Variants in DNAH9 observed in about 807,000 individuals in gnomAD.
The protein encoded by DNAH9 is DNAH9 variant protein.
DNAH9 carries 345 observed loss-of-function variants against 471.6 expected under a neutral mutation model. That is an observed-to-expected ratio of 0.73 (90% confidence interval 0.67 to 0.80). The LOEUF (loss-of-function observed/expected upper bound fraction) is 0.80, where lower values mean the gene tolerates loss of function less well. Ranked by LOEUF, DNAH9 falls within the 30% of genes least tolerant of loss-of-function variation. DNAH9 has a pLI of 0.00. For synonymous variants in DNAH9, 2,093 were observed against 2,123.6 expected, an observed-to-expected ratio of 0.99 and a Z score of 0.40; for missense variants, 5,407 against 5,609.2, an observed-to-expected ratio of 0.96 and a Z score of 1.15.
intron 14 of DNAH9, 65 bp downstream of exon 14, chr17:11,653,067 G>A (rs2073549605): frequency 6.5e-6 from 10 of 1,544,810 alleles, no homozygotes; most frequent in Non-Finnish European, 8.8e-6. Flanking sequence ...AAGTGTGTTT[G>A]GATGAATAAG....
intron 61 of DNAH9, among the ~76,000 whole-genome samples, chr17:11,919,653 A>G (rs1275147992): frequency 6.6e-6 from 1 of 152,162 alleles, no homozygotes; most frequent in East Asian, 1.9e-4. Context: ...TTCACCAAAC[A>G]TGTGAATTAT....
rs145168186 is a variant in DNAH9, at chr17:11,601,184, C to T, written c.417+2269C>T. 2.8e-4 allele frequency among the ~76,000 whole-genome samples: 43 copies of T among 152,266 alleles called. No homozygotes were observed. In the East Asian group the frequency reaches 8.1e-3, roughly 29 times the overall value. On this transcript the variant is annotated intron_variant, in intron 1 of 68. Transcript: ENST00000262442. ...TCTATTGTATGTATATACCACATTT[C>T]TAAAAAATTTATCCATCATAGACAC...
At chr17:11,839,691 T>TAAAAC (rs1174166379) in intron 49 of DNAH9, among the ~76,000 whole-genome samples, 2 of 152,188 alleles carry the variant, frequency 1.3e-5, no homozygotes, top group African/African-American at 4.8e-5. Context: ...AATGCACATA[T>TAAAAC]AAAACAAATC....
chr17:11,620,845 C>T (rs143254432), intron 6 of DNAH9, among the ~76,000 whole-genome samples: 11 of 152,286 alleles, frequency 7.2e-5, no homozygotes, highest in African/African-American at 1.7e-4. Flanking sequence ...GAATGAGTCC[C>T]TGTGCAAAAG....
Position 11,719,352 on chromosome 17 carries a change from C to T in DNAH9, c.5571C>T (p.Thr1857=). ...PLTDRCYITL[T]QSLHLTMSGA... is the part of the protein sequence containing the mutation. ...TTGGCAGGTGCTACATCACCCTCAC[C>T]CAGTCCCTGCACCTGACCATGAGTG... The change falls in exon 27 of 69, where the codon ACC becomes ACT. Residue 1857 remains threonine, a synonymous_variant. Transcript: ENST00000262442. The T allele has an allele frequency of 1.2e-6, 2 of 1,614,082 alleles. No homozygotes were observed. Among genetic ancestry groups the T allele is most frequent in the Non-Finnish European group, 1.7e-6 (2 of 1,179,990 alleles).
intron 17 of DNAH9, among the ~76,000 whole-genome samples, chr17:11,675,225 T>C (rs1008155264): frequency 1.3e-5 from 2 of 152,096 alleles, no homozygotes; most frequent in Non-Finnish European, 2.9e-5. Context: ...GTTCGTAGTA[T>C]AAATAATATT....
At chr17:11,900,100 G>GAAAAA (rs10627147) in intron 59 of DNAH9, among the ~76,000 whole-genome samples, 1 of 148,602 alleles carries the variant, frequency 6.7e-6, no homozygotes. Flanking sequence ...TTTTCCAAAT[G>GAAAAA]AAAAAAAAAA....
chr17:11,649,330 AT>A (rs2073455183), intron 12 of DNAH9, among the ~76,000 whole-genome samples: 1 of 152,106 alleles, frequency 6.6e-6, no homozygotes, highest in Non-Finnish European at 1.5e-5. Context: ...TATTTCATTG[AT>A]TCTAGGAGGC....
chr17:11,949,521 G>T (rs946574282), intron 67 of DNAH9, among the ~76,000 whole-genome samples: 1 of 149,986 alleles, frequency 6.7e-6, no homozygotes. Context: ...TGCTCTTGTT[G>T]TCCAGGCTGG....
Position 11,933,958 on chromosome 17 carries a change from C to T in DNAH9, c.12376C>T (p.Leu4126Phe). The T allele has an allele frequency of 6.2e-7, 1 of 1,614,184 alleles. No homozygotes were observed. Among genetic ancestry groups the T allele is most frequent in the South Asian group, 1.1e-5 (1 of 91,084 alleles). ...GHITDDWDRR[L>F]CRTYLGEFIR... ...TATCACAGATGACTGGGACAGAAGA[C>T]TCTGCAGAACCTACCTGGGGGAATT... Residue 4126 changes from leucine to phenylalanine, a missense_variant, in exon 65 of 69, where the codon CTC becomes TTC. Leu to Phe is a conservative substitution (Grantham distance 22). This residue lies in a region of DNAH9 where 4,636 missense variants were observed against 4,900.3 expected (regional missense o/e 0.95). Transcript: ENST00000262442.
chr17:11,749,123 C>T (rs1279135120), intron 32 of DNAH9, among the ~76,000 whole-genome samples: 2 of 116,764 alleles, frequency 1.7e-5, no homozygotes, highest in African/African-American at 3.3e-5. Flanking sequence ...CTCACTCTGT[C>T]GCCCAGGCTG....
At chr17:11,946,663 CAAAAA>C (rs754149437) in intron 67 of DNAH9, among the ~76,000 whole-genome samples, 2 of 67,950 alleles carry the variant, frequency 2.9e-5, no homozygotes, top group East Asian at 4.9e-4. Context: ...GACTCCATCT[CAAAAA>C]AAAAAAAAAA....
intron 35 of DNAH9, among the ~76,000 whole-genome samples, chr17:11,758,138 G>A (rs528457963): frequency 7.9e-5 from 12 of 152,106 alleles, no homozygotes; most frequent in East Asian, 7.7e-4. Flanking sequence ...GTGTGTTCAC[G>A]GCCCAGATAA....
intron 56 of DNAH9, among the ~76,000 whole-genome samples, chr17:11,886,507 T>A (rs1197683765): frequency 1.1e-5 from 1 of 91,630 alleles, no homozygotes; most frequent in Non-Finnish European, 2.1e-5. Context: ...TGAGTCATAC[T>A]TTTTTTTTTT....
In DNAH9 at chr17:11,636,653, A is replaced by G. The variant is rs530072737; in HGVS notation, c.1655A>G (p.Asn552Ser). 3.7e-6 allele frequency: 6 copies of G among 1,613,976 alleles called. No individual in the cohort carries two copies. In the South Asian group the frequency reaches 6.6e-5, roughly 18 times the overall value. The change falls in exon 9 of 69, where the codon AAC (asparagine) becomes AGC (serine). Residue 552 changes from asparagine (N) to serine (S), a missense_variant. Physicochemically the swap from Asn to Ser is conservative, Grantham distance 46. Transcript: ENST00000262442. ...HAFKLLDIAG[N>S]LLERPLVARD... ...CTACAGCTGCTAGACATAGCAGGAA[A>G]CCTCCTTGAAAGACCGCTGGTAGCG...
chr17:11,723,876 T>G (rs543222741), intron 27 of DNAH9, among the ~76,000 whole-genome samples: 1 of 152,208 alleles, frequency 6.6e-6, no homozygotes, highest in East Asian at 1.9e-4. Context: ...TGTCTCACTG[T>G]GTTAGCCAGG....
intron 32 of DNAH9, among the ~76,000 whole-genome samples, chr17:11,749,838 A>T (rs1967075708): frequency 1.3e-5 from 2 of 152,108 alleles, no homozygotes; most frequent in African/African-American, 2.4e-5. Context: ...TCACCTGTTT[A>T]TCTAATCCTA....
At chr17:11,636,285 T>A (rs187792976) in intron 8 of DNAH9, among the ~76,000 whole-genome samples, 1 of 152,202 alleles carries the variant, frequency 6.6e-6, no homozygotes, top group Non-Finnish European at 1.5e-5. Flanking sequence ...ATTACAGGCA[T>A]GAGCCACCGC....
intron 67 of DNAH9, among the ~76,000 whole-genome samples, chr17:11,958,908 T>C (rs1249179597): frequency 6.6e-6 from 1 of 152,036 alleles, no homozygotes; most frequent in Admixed American, 6.6e-5. Flanking sequence ...AATCACACAA[T>C]ATAAGAATAA....
Sources: allele counts gnomAD v4.1 joint callset (sites outside exome capture counted in the v4.1 genomes callset), GRCh38; gene constraint gnomAD v4.1.1; regional missense constraint gnomAD v4.1.1; transcripts MANE v1.5; gene names NCBI Gene and HGNC (gene_info 2026-07-23, HGNC 2026-07-21).